The following DNAJC1 variants were observed in gnomAD, a reference collection of about 807,000 sequenced individuals.
DNAJC1 encodes dnaJ homolog subfamily C member 1.
DNAJC1 carries 58 observed loss-of-function variants against 76.6 expected under a neutral mutation model. The observed-to-expected ratio is 0.76, with a 90% confidence interval of 0.61 to 0.94. The LOEUF (loss-of-function observed/expected upper bound fraction) is 0.94. Among genes scored for constraint, DNAJC1 ranks in the 40% least tolerant of loss-of-function variants. The pLI is 0.00. For synonymous variants in DNAJC1, 258 were observed against 267.9 expected, an observed-to-expected ratio of 0.96 and a Z score of 0.36; for missense variants, 689 against 677.3, an observed-to-expected ratio of 1.02 and a Z score of -0.19.
At chr10:21,953,094 A>C (rs1837624310) in intron 1 of DNAJC1, among the ~76,000 whole-genome samples, 1 of 152,164 alleles carries the variant, frequency 6.6e-6, no homozygotes, top group South Asian at 2.1e-4. Flanking sequence ...AACATTACTG[A>C]AGAAAGTAAG....
At chr10:21,934,474 C>T (rs984882853) in intron 1 of DNAJC1, among the ~76,000 whole-genome samples, 1 of 152,134 alleles carries the variant, frequency 6.6e-6, no homozygotes, top group Non-Finnish European at 1.5e-5. Context: ...CCTAGGCCTT[C>T]ACATTCACTT....
At chr10:21,892,444 A>G (rs1279258759) in intron 7 of DNAJC1, among the ~76,000 whole-genome samples, 1 of 151,960 alleles carries the variant, frequency 6.6e-6, no homozygotes, top group Non-Finnish European at 1.5e-5. Context: ...TCTGTAATAG[A>G]GAAAAAAGAG....
intron 1 of DNAJC1, among the ~76,000 whole-genome samples, chr10:21,939,515 CTTTTTACTGTA>C (rs912279733): frequency 6.6e-6 from 1 of 152,094 alleles, no homozygotes; most frequent in Non-Finnish European, 1.5e-5. Context: ...CATTTTAAAT[CTTTTTACTGTA>C]TTTTTACTGT....
At chr10:21,838,159 G>A (rs1342597781) in intron 8 of DNAJC1, among the ~76,000 whole-genome samples, 2 of 152,120 alleles carry the variant, frequency 1.3e-5, no homozygotes, top group Non-Finnish European at 2.9e-5. Context: ...CCAAGATGAC[G>A]ATGGCGGTTT....
At chr10:21,773,406 G>C (rs1834413175) in intron 9 of DNAJC1, among the ~76,000 whole-genome samples, 1 of 151,982 alleles carries the variant, frequency 6.6e-6, no homozygotes, top group African/African-American at 2.4e-5. Flanking sequence ...TTAGGAGTGT[G>C]TTAATTCCCA....
At chr10:21,773,497 T>G (rs1053556388) in intron 9 of DNAJC1, among the ~76,000 whole-genome samples, 3 of 152,230 alleles carry the variant, frequency 2.0e-5, no homozygotes, top group Non-Finnish European at 2.9e-5. Flanking sequence ...GAACATACTG[T>G]GTATTATTTC....
chr10:21,887,528 C>T (rs903006705), intron 7 of DNAJC1, among the ~76,000 whole-genome samples: 2 of 152,048 alleles, frequency 1.3e-5, no homozygotes, highest in South Asian at 2.1e-4. Flanking sequence ...GGTACTGGTA[C>T]AAAAACAGGC....
intron 8 of DNAJC1, among the ~76,000 whole-genome samples, chr10:21,821,317 T>G (rs1440816867): frequency 6.6e-6 from 1 of 152,148 alleles, no homozygotes; most frequent in Non-Finnish European, 1.5e-5. Flanking sequence ...GAGCCAGGAA[T>G]TGTAGAAAAA....
chr10:21,796,158 C>T (rs1017622067), intron 9 of DNAJC1, among the ~76,000 whole-genome samples: 13 of 151,722 alleles, frequency 8.6e-5, no homozygotes, highest in South Asian at 6.3e-4. Context: ...TTAGTAGAGA[C>T]GGGGTTTCAC....
At chr10:21,852,092 TACACACACACACAC>T (rs58289439) in intron 8 of DNAJC1, among the ~76,000 whole-genome samples, 1,685 of 146,178 alleles carry the variant, frequency 0.012, 34 homozygotes, top group African/African-American at 0.036. Flanking sequence ...AATTGTGAGA[TACACACACACACAC>T]ACACACACAC....
intron 1 of DNAJC1, among the ~76,000 whole-genome samples, chr10:21,968,611 C>T (rs915623495): frequency 1.3e-5 from 2 of 151,840 alleles, no homozygotes; most frequent in East Asian, 2.0e-4. Context: ...CCCAGGTTCA[C>T]GCCATTCTCC....
intron 8 of DNAJC1, among the ~76,000 whole-genome samples, chr10:21,824,603 T>C (rs1220155971): frequency 2.0e-5 from 3 of 152,194 alleles, no homozygotes; most frequent in Admixed American, 2.0e-4. Flanking sequence ...TGGACGGTGA[T>C]GGAAGTCTTA....
chr10:21,871,500 CAA>C (rs1055965656), intron 8 of DNAJC1, among the ~76,000 whole-genome samples: 6 of 151,998 alleles, frequency 3.9e-5, no homozygotes, highest in African/African-American at 1.4e-4. Flanking sequence ...CTACACATAA[CAA>C]AAAATAGAGA....
intron 1 of DNAJC1, among the ~76,000 whole-genome samples, chr10:21,981,128 A>G (rs1838149507): frequency 6.6e-6 from 1 of 152,210 alleles, no homozygotes; most frequent in Non-Finnish European, 1.5e-5. Context: ...GCATGTAAAC[A>G]ACTAAAACCT....
chr10:21,994,029 T>G (rs1838373386), intron 1 of DNAJC1, among the ~76,000 whole-genome samples: 1 of 152,200 alleles, frequency 6.6e-6, no homozygotes. Context: ...CACTCAAAAC[T>G]TCTCTGGGAC....
intron 1 of DNAJC1, among the ~76,000 whole-genome samples, chr10:21,968,402 G>C (rs566565016): frequency 7.9e-5 from 12 of 152,148 alleles, no homozygotes; most frequent in African/African-American, 2.9e-4. Flanking sequence ...ACCCAAGATC[G>C]TAAAATTGGT....
chr10:21,977,801 G>A (rs1267685084), intron 1 of DNAJC1, among the ~76,000 whole-genome samples: 1 of 151,970 alleles, frequency 6.6e-6, no homozygotes, highest in African/African-American at 2.4e-5. Context: ...GGATAGTGAG[G>A]GTTCCTAATC....
chr10:21,787,773 G>C (rs532836877), intron 9 of DNAJC1, among the ~76,000 whole-genome samples: 2 of 152,174 alleles, frequency 1.3e-5, no homozygotes, highest in Non-Finnish European at 2.9e-5. Flanking sequence ...ACACCTACAG[G>C]CCTCACCACT....
chr10:21,885,664 A>G (rs1373585256), intron 7 of DNAJC1, among the ~76,000 whole-genome samples: 2 of 152,084 alleles, frequency 1.3e-5, no homozygotes, highest in African/African-American at 4.8e-5. Flanking sequence ...TGCAATAAAA[A>G]CAGAAGACTA....
Sources: gnomAD v4.1 joint callset for allele counts (sites outside exome capture counted in the v4.1 genomes callset) on GRCh38, gnomAD v4.1.1 for gene constraint, MANE v1.5 for transcripts, NCBI Gene and HGNC (gene_info 2026-07-23, HGNC 2026-07-21) for gene names.